Variants in ZNF682 observed in about 807,000 individuals in gnomAD.
The protein encoded by ZNF682 is zinc finger protein 682.
Under a neutral mutation model 36.5 loss-of-function variants are expected in ZNF682, and 29 were observed. The observed-to-expected ratio is 0.80, with a 90% confidence interval of 0.59 to 1.08. The LOEUF (loss-of-function observed/expected upper bound fraction) is 1.08, where lower values mean the gene tolerates loss of function less well. Ranked by LOEUF, ZNF682 falls within the 50% of genes least tolerant of loss-of-function variation. The pLI is 0.00. For missense variants in ZNF682, 561 were observed against 579.7 expected, an observed-to-expected ratio of 0.97 and a Z score of 0.33; for synonymous variants, 180 against 197.0, an observed-to-expected ratio of 0.91 and a Z score of 0.72.
chr19:20,015,147 T>C (rs923814091), intron 3 of ZNF682: 3 of 956,618 alleles, frequency 3.1e-6, no homozygotes, highest in Non-Finnish European at 3.7e-6. Flanking sequence ...ACACCTAAAA[T>C]AAAGTTATAA....
At chr19:20,009,763 G>C (rs2088266524) in intron 3 of ZNF682, among the ~76,000 whole-genome samples, 1 of 152,200 alleles carries the variant, frequency 6.6e-6, no homozygotes, top group Admixed American at 6.5e-5. Flanking sequence ...GCTCACGTCT[G>C]TAATCCGAGC....
intron 3 of ZNF682, among the ~76,000 whole-genome samples, chr19:20,014,614 CAAAA>C (rs55756913): frequency 2.1e-5 from 3 of 140,292 alleles, no homozygotes; most frequent in East Asian, 2.1e-4. Flanking sequence ...TACTAGAATA[CAAAA>C]AAAAAAAAAA....
downstream of ZNF682, among the ~76,000 whole-genome samples, chr19:20,001,482 C>A (rs2088168148): frequency 6.6e-6 from 1 of 152,152 alleles, no homozygotes; most frequent in African/African-American, 2.4e-5. Flanking sequence ...GAGGCTCTTC[C>A]CCACCGTGGT....
chr19:20,039,466 G>C lies in ZNF682; in HGVS notation c.-121C>G. 7.4e-7 allele frequency: 1 copy of C among 1,355,838 alleles called. No homozygotes were observed. The allele number at this position is 1,355,838 out of a possible 1,614,324, so 84.0% of individuals were successfully genotyped here. A position where few individuals can be genotyped will look rare whatever the true frequency, so the allele number is the denominator to read the frequency against. On this transcript the variant is annotated 5_prime_UTR_variant, in exon 1 of 4. Transcript: ENST00000397165. ...ACTAGAGCAGAGGATACTAAGCAAT[G>C]AAGATGGACCCTGAGCTCTGGCTGG...
intron 3 of ZNF682, among the ~76,000 whole-genome samples, chr19:20,017,748 A>G (rs1417421325): frequency 6.6e-6 from 1 of 152,216 alleles, no homozygotes; most frequent in Non-Finnish European, 1.5e-5. Flanking sequence ...AAAGCAGCAG[A>G]ATACATGATA....
At chr19:20,017,505 TCTATAACACATATAACTGTTATATAA>T (rs1226209661) in intron 3 of ZNF682, among the ~76,000 whole-genome samples, 3 of 152,138 alleles carry the variant, frequency 2.0e-5, no homozygotes, top group Non-Finnish European at 2.9e-5. Context: ...TTACCGGGAA[TCTATAACACATATAACTGTTATATAA>T]CTATAACACA....
chr19:20,027,068 C>T (rs865985430), intron 1 of ZNF682, among the ~76,000 whole-genome samples: 16 of 152,356 alleles, frequency 1.1e-4, no homozygotes, highest in Middle Eastern at 3.4e-3. Context: ...AGCTGGGACA[C>T]ATTCACCTGA....
Position 20,039,082 on chromosome 19 carries a change from G to C in ZNF682, c.3+261C>G, listed in dbSNP as rs2088560120. On this transcript the variant is annotated intron_variant, in intron 1 of 3. Transcript: ENST00000397165. ...GTCCCCGCAGTCGGGGCAGACGCAA[G>C]AACGCGCGCGGCTCTTCCCAGGGTG... 5.2e-5 allele frequency: 69 copies of C among 1,319,486 alleles called. No individual in the cohort carries two copies. The South Asian group carries it at 1.2e-3, about 23-fold the overall frequency. 81.7% of individuals were successfully genotyped at this position (1,319,486 alleles called of 1,614,324 possible). A position where few individuals can be genotyped will look rare whatever the true frequency, so the allele number is the denominator to read the frequency against.
chr19:20,020,127 A>G (rs2122352848), intron 3 of ZNF682, among the ~76,000 whole-genome samples: 1 of 152,262 alleles, frequency 6.6e-6, no homozygotes, highest in East Asian at 1.9e-4. Flanking sequence ...AAGTTTCTGA[A>G]GAAAAAAATC....
At chr19:20,035,789 G>A (rs2088524044) in intron 1 of ZNF682, among the ~76,000 whole-genome samples, 1 of 151,810 alleles carries the variant, frequency 6.6e-6, no homozygotes. Flanking sequence ...AGGCTGGAGT[G>A]CAGTAGTGTG....
chr19:20,025,316 G>T (rs2088421149), intron 1 of ZNF682, among the ~76,000 whole-genome samples: 1 of 152,086 alleles, frequency 6.6e-6, no homozygotes, highest in African/African-American at 2.4e-5. Flanking sequence ...GAATAATAAA[G>T]ATAAAAATAA....
intron 3 of ZNF682, among the ~76,000 whole-genome samples, chr19:19,999,095 C>A (rs1037792802): frequency 1.3e-5 from 2 of 152,018 alleles, no homozygotes; most frequent in Non-Finnish European, 2.9e-5. Context: ...ATGATAAAAC[C>A]CGAAGTGTGC....
At chr19:20,010,316 G>T (rs1174759647) in intron 3 of ZNF682, among the ~76,000 whole-genome samples, 1 of 152,146 alleles carries the variant, frequency 6.6e-6, no homozygotes, top group Non-Finnish European at 1.5e-5. Context: ...CAAAAACTAA[G>T]ATATCAATAT....
chr19:20,025,928 T>C (rs2088427537), intron 1 of ZNF682, among the ~76,000 whole-genome samples: 1 of 152,200 alleles, frequency 6.6e-6, no homozygotes, highest in Admixed American at 6.5e-5. Context: ...AGAGCAAGTC[T>C]TATCTAACTA....
At chr19:20,001,487 C>T (rs1041944159), downstream of ZNF682, among the ~76,000 whole-genome samples, 4 of 152,192 alleles carry the variant, frequency 2.6e-5, no homozygotes, top group Non-Finnish European at 5.9e-5. Context: ...TCTTCCCCAC[C>T]GTGGTTCAGT....
rs760692154 is a variant in ZNF682 at position 20,007,085 on chromosome 19, A to G, written c.417T>C (p.Thr139=). ...TATATGGGAAAATTTTGCTAGGTAG[A>G]GTTGACAAACATTGGTTAAGTCCAT... ...IYNGLNQCLS[T]LPSKIFPYNK... is the part of the protein sequence containing the mutation. Residue 139 remains threonine, a synonymous_variant, in exon 4 of 4, where the codon ACT becomes ACC. Coordinates refer to ENST00000397165, the MANE Select transcript of ZNF682 (RefSeq NM_033196.3). The G allele has an allele frequency of 6.2e-7, 1 of 1,613,664 alleles. No homozygotes were observed. The highest frequency in any genetic ancestry group is 1.3e-5 in the African/African-American group (1 of 75,058).
At chr19:20,011,628 T>C (rs546731641) in intron 3 of ZNF682, among the ~76,000 whole-genome samples, 3 of 152,260 alleles carry the variant, frequency 2.0e-5, no homozygotes, top group African/African-American at 4.8e-5. Flanking sequence ...CAAAACTCAA[T>C]AGCAAGAGGA....
intron 1 of ZNF682, among the ~76,000 whole-genome samples, chr19:20,037,053 A>G (rs891869976): frequency 1.3e-5 from 2 of 152,160 alleles, no homozygotes; most frequent in Non-Finnish European, 2.9e-5. Context: ...AAAAGAACAA[A>G]ATGTCTTCCC....
At chr19:20,036,804 A>G (rs867670858) in intron 1 of ZNF682, among the ~76,000 whole-genome samples, 1 of 38,696 alleles carries the variant, frequency 2.6e-5, no homozygotes, top group Non-Finnish European at 5.1e-5. Flanking sequence ...CTGTCTCTAT[A>G]AAAAAAAAAG....
Sources: allele counts gnomAD v4.1 joint callset (sites outside exome capture counted in the v4.1 genomes callset), GRCh38; gene constraint gnomAD v4.1.1; transcripts MANE v1.5; gene names NCBI Gene and HGNC (gene_info 2026-07-23, HGNC 2026-07-21).